Variants in SATL1 observed in about 807,000 individuals in gnomAD.
SATL1 encodes spermidine/spermine N1-acetyl transferase like 1, also known as spermidine/spermine N(1)-acetyltransferase-like protein 1.
Under a neutral mutation model 51.8 loss-of-function variants are expected in SATL1, and 47 were observed. The observed-to-expected ratio is 0.91, with a 90% CI of 0.72 to 1.16. SATL1 has a LOEUF of 1.16. Among genes scored for constraint, SATL1 ranks in the 50% most tolerant of loss-of-function variants. The pLI, the probability that SATL1 is intolerant of heterozygous loss-of-function variation, is 0.00. For synonymous variants in SATL1, 176 were observed against 182.4 expected (o/e 0.97, Z 0.28); for missense variants, 520 against 526.4 (o/e 0.99, Z 0.12).
At chrX:85,219,007 A>T (rs891388632) in intron 2 of SATL1, 1 of 112,338 alleles carries the variant, frequency 8.9e-6, no homozygotes, top group African/African-American at 3.2e-5. Context: ...AAATTGTATT[A>T]AATGCCATTT....
chrX:85,183,828 T>C (rs73234623), intron 2 of SATL1, among the ~76,000 whole-genome samples: 12,151 of 110,914 alleles, frequency 0.11, 576 homozygotes, highest in South Asian at 0.17. Flanking sequence ...TAAAAATATC[T>C]GATAAGTTAT....
intron 1 of SATL1, among the ~76,000 whole-genome samples, chrX:85,236,969 G>A (rs778690796): frequency 1.1e-4 from 12 of 111,059 alleles, no homozygotes; most frequent in Non-Finnish European, 2.1e-4. Context: ...GTAACATTAC[G>A]GGATACGAAA....
At chrX:85,151,974 A>G (rs1270565681) in intron 2 of SATL1, among the ~76,000 whole-genome samples, 11 of 110,235 alleles carry the variant, frequency 1.0e-4, no homozygotes, top group African/African-American at 3.6e-4. Context: ...ATGGGATCTA[A>G]TTAAACTAAA....
intron 2 of SATL1, among the ~76,000 whole-genome samples, chrX:85,135,977 C>A (rs1925945750): frequency 9.1e-6 from 1 of 110,020 alleles, no homozygotes; most frequent in Non-Finnish European, 1.9e-5. Context: ...TAATGAGTTC[C>A]TGAAATAAAG....
Position 85,131,321 on chromosome X carries a change from C to T in SATL1, c.-312-22041G>A, listed in dbSNP as rs755928425. Among the ~76,000 whole-genome samples, 33 of 111,784 alleles carry T rather than the reference C, an allele frequency of 3.0e-4. No homozygotes were observed. The South Asian group carries it at 0.011, about 36-fold the overall frequency. On this transcript the variant is annotated intron_variant, in intron 2 of 7. Coordinates refer to ENST00000644105, the MANE Select transcript of SATL1 (RefSeq NM_001367857.2). The stretch of plus-strand genomic sequence containing the variant: ...GTCTCTAAGAACTTGCTTTATGAAT[C>T]TGGGTGCTCCTGTATTGGGTACATA...
At chrX:85,185,596 A>G (rs903970751) in intron 2 of SATL1, among the ~76,000 whole-genome samples, 29 of 111,223 alleles carry the variant, frequency 2.6e-4, no homozygotes, top group African/African-American at 9.2e-4. Context: ...GTCTCTCCCT[A>G]TGGCTATCAC....
chrX:85,184,536 C>A (rs1467159141), intron 2 of SATL1, among the ~76,000 whole-genome samples: 2 of 111,804 alleles, frequency 1.8e-5, no homozygotes, highest in African/African-American at 6.5e-5. Flanking sequence ...TTTATCTCCT[C>A]TGACTACATA....
rs772948450 is a variant in SATL1, at chrX:85,188,507, G to A, written c.-313+35698C>T. On this transcript the variant is annotated intron_variant, in intron 2 of 7. Coordinates refer to ENST00000644105, the MANE Select transcript of SATL1 (RefSeq NM_001367857.2). ...TTCTCAAAAATGTTTGCACCTGGGC[G>A]CAGTGGCTTCTATCTGTAGTCCCAG... Among the ~76,000 whole-genome samples, 20 of 111,149 alleles carry A rather than the reference G, an allele frequency of 1.8e-4. No individual in the cohort carries two copies. In the South Asian group the frequency reaches 6.5e-3, roughly 36 times the overall value.
At chrX:85,125,863 T>C (rs1384058603) in intron 2 of SATL1, among the ~76,000 whole-genome samples, 1 of 110,688 alleles carries the variant, frequency 9.0e-6, no homozygotes, top group Non-Finnish European at 1.9e-5. Flanking sequence ...AATTATGATC[T>C]GTCTTCTAAG....
chrX:85,176,792 A>G (rs1208299685), intron 2 of SATL1, among the ~76,000 whole-genome samples: 1 of 111,260 alleles, frequency 9.0e-6, no homozygotes, highest in African/African-American at 3.3e-5. Flanking sequence ...TCTCTATTTA[A>G]ATTAGTACTC....
chrX:85,170,219 C>T (rs985401318), intron 2 of SATL1, among the ~76,000 whole-genome samples: 2 of 110,847 alleles, frequency 1.8e-5, no homozygotes, highest in African/African-American at 6.5e-5. Context: ...GTACAACAAA[C>T]CCCCATGAGA....
At chrX:85,164,559 T>C (rs772017053) in intron 2 of SATL1, among the ~76,000 whole-genome samples, 1 of 110,902 alleles carries the variant, frequency 9.0e-6, no homozygotes, top group Non-Finnish European at 1.9e-5. Flanking sequence ...AGGCTAAAGA[T>C]AGGACCCCAA....
chrX:85,241,172 T>C (rs1322295294), intron 1 of SATL1, among the ~76,000 whole-genome samples: 1 of 111,486 alleles, frequency 9.0e-6, no homozygotes, highest in African/African-American at 3.3e-5. Context: ...AGTTTTATTA[T>C]AATGTTACTT....
intron 2 of SATL1, among the ~76,000 whole-genome samples, chrX:85,190,843 C>T (rs1449923466): frequency 9.1e-6 from 1 of 109,880 alleles, no homozygotes; most frequent in Non-Finnish European, 1.9e-5. Context: ...TGGAAACCAT[C>T]ATTCTCAGCA....
chrX:85,211,628 C>T (rs1341707924), intron 2 of SATL1: 1 of 111,170 alleles, frequency 9.0e-6, no homozygotes, highest in Non-Finnish European at 1.9e-5. Context: ...TTAAGTTTAA[C>T]CCTTTTGGAT....
intron 2 of SATL1, among the ~76,000 whole-genome samples, chrX:85,196,238 G>A (rs1403585746): frequency 9.0e-6 from 1 of 111,147 alleles, no homozygotes; most frequent in African/African-American, 3.3e-5. Flanking sequence ...TAACAAAAAA[G>A]CACAAAGCTA....
chrX:85,112,564 G>T (rs1287736434), intron 2 of SATL1, among the ~76,000 whole-genome samples: 1 of 111,309 alleles, frequency 9.0e-6, no homozygotes, highest in Non-Finnish European at 1.9e-5. Context: ...CTTGGGAGGG[G>T]CTGCATGTGC....
intron 2 of SATL1, among the ~76,000 whole-genome samples, chrX:85,131,087 T>G (rs903752653): frequency 8.9e-6 from 1 of 112,012 alleles, no homozygotes; most frequent in African/African-American, 3.3e-5. Context: ...AATTTTGGAA[T>G]AAGTGTGATG....
At position 85,156,809 on chromosome X, in the gene SATL1, G is replaced by C. The variant is rs752885080; in HGVS notation, c.-312-47529C>G. 7.4e-3 allele frequency among the ~76,000 whole-genome samples: 571 copies of C among 77,445 alleles called. 12 individuals are homozygous for C. Among genetic ancestry groups the C allele is most frequent in the African/African-American group, 0.03 (542 of 18,093 alleles). The allele number at this position is 77,445 out of a possible 115,157, so 67.3% of individuals were successfully genotyped here. ...ACAGTACAAGGATTTGAACCATGTG[G>C]AGATTATATATATATATATATATAT... On this transcript the variant is annotated intron_variant, in intron 2 of 7. Coordinates refer to ENST00000644105, the MANE Select transcript of SATL1 (RefSeq NM_001367857.2).
Sources: gnomAD v4.1 joint callset for allele counts (sites outside exome capture counted in the v4.1 genomes callset) on GRCh38, gnomAD v4.1.1 for gene constraint, MANE v1.5 for transcripts, NCBI Gene and HGNC (gene_info 2026-07-23, HGNC 2026-07-21) for gene names.